The following IFT74 variants were observed in gnomAD, a reference collection of about 807,000 sequenced individuals.
The protein encoded by IFT74 is intraflagellar transport 74, also known as intraflagellar transport protein 74 homolog.
A neutral mutation model predicts 96.7 loss-of-function variants in IFT74; 92 were observed. That is an observed-to-expected ratio of 0.95 (90% CI 0.80 to 1.13). The LOEUF (loss-of-function observed/expected upper bound fraction) is 1.13. Ranked by LOEUF, IFT74 falls within the 50% of genes most tolerant of loss-of-function variation. The probability of loss-of-function intolerance (pLI) is 0.00; values close to 1 mark genes in which losing one functional copy is unlikely to be tolerated. For synonymous variants in IFT74, 223 were observed against 213.2 expected, an observed-to-expected ratio of 1.05 and a Z score of -0.40; for missense variants, 811 against 698.2, an observed-to-expected ratio of 1.16 and a Z score of -1.82.
At chr9:27,008,447 C>T (rs1034779960) in intron 8 of IFT74, among the ~76,000 whole-genome samples, 1 of 151,922 alleles carries the variant, frequency 6.6e-6, no homozygotes, top group African/African-American at 2.4e-5. Context: ...AACCTCTTCC[C>T]CACTGGGTTC....
rs572492332 is a variant in IFT74, at chr9:26,980,313, C to T, written c.257-258C>T. 7.9e-5 allele frequency among the ~76,000 whole-genome samples: 12 copies of T among 152,270 alleles called. No homozygotes were observed. In the East Asian group the frequency reaches 1.5e-3, roughly 20 times the overall value. ...CCCTTAGACTCAATTTTCATTCCATCGTCCTGTTCTGTAGAGTCTACTGTC... is the reference window on the plus strand; with the variant it reads ...CCCTTAGACTCAATTTTCATTCCATTGTCCTGTTCTGTAGAGTCTACTGTC... On this transcript the variant is annotated intron_variant, in intron 3 of 19. Transcript: ENST00000380062.
intron 19 of IFT74, among the ~76,000 whole-genome samples, chr9:27,061,572 G>A (rs547978653): frequency 6.6e-6 from 1 of 151,622 alleles, no homozygotes; most frequent in South Asian, 2.1e-4. Context: ...ACTGCTCTCG[G>A]CCCCAGAATT....
upstream of IFT74, among the ~76,000 whole-genome samples, chr9:26,952,543 C>T (rs1825967652): frequency 6.6e-6 from 1 of 152,130 alleles, no homozygotes; most frequent in Non-Finnish European, 1.5e-5. Context: ...TCCCAAAGTG[C>T]TGGGATTACA....
chr9:26,999,651 A>G (rs926219826), intron 8 of IFT74: 13 of 1,610,130 alleles, frequency 8.1e-6, no homozygotes, highest in Non-Finnish European at 1.1e-5. Flanking sequence ...TAATAATATC[A>G]TGGAGAGGGG....
chr9:27,012,735 T>TTTTTTTTTTTTA (rs1432648656), intron 10 of IFT74, among the ~76,000 whole-genome samples: 1 of 118,094 alleles, frequency 8.5e-6, no homozygotes, highest in African/African-American at 3.4e-5. Context: ...TTTTTTTTTT[T>TTTTTTTTTTTTA]AGACAGAGTA....
chr9:27,059,763 G>A (rs936841994), intron 18 of IFT74, among the ~76,000 whole-genome samples: 5 of 152,038 alleles, frequency 3.3e-5, no homozygotes, highest in African/African-American at 7.2e-5. Context: ...CTGAATTTAC[G>A]CCCTGAAAAT....
chr9:26,979,580 A>G lies in IFT74; in HGVS notation c.257-991A>G, dbSNP rs143148208. Reference sequence around the variant, plus strand: ...CTCTAGTGCCCCATTTCCCAGTATAATAAGATACTACCTCTACTTCTCAGC... The same window carrying G: ...CTCTAGTGCCCCATTTCCCAGTATAGTAAGATACTACCTCTACTTCTCAGC... On this transcript the variant is annotated intron_variant, in intron 3 of 19. Coordinates refer to ENST00000380062, the MANE Select transcript of IFT74 (RefSeq NM_025103.4). 4.9e-3 allele frequency among the ~76,000 whole-genome samples: 744 copies of G among 152,090 alleles called. 27 individuals are homozygous for G. Among genetic ancestry groups the G allele is most frequent in the East Asian group, 6.0e-3 (31 of 5,180 alleles).
intron 10 of IFT74, among the ~76,000 whole-genome samples, chr9:27,014,371 T>G (rs552673008): frequency 6.6e-6 from 1 of 152,332 alleles, no homozygotes; most frequent in South Asian, 2.1e-4. Context: ...GAATTCCTCA[T>G]GGTTCTTTTT....
intron 14 of IFT74, among the ~76,000 whole-genome samples, chr9:27,045,818 T>C (rs2131681646): frequency 6.6e-6 from 1 of 152,320 alleles, no homozygotes; most frequent in East Asian, 1.9e-4. Context: ...CAAGTTTTCT[T>C]TAAAATGTCA....
intron 6 of IFT74, 80 bp downstream of exon 6, chr9:26,984,639 C>CTTTTT (rs1827556183): frequency 1.9e-6 from 2 of 1,080,224 alleles, no homozygotes; most frequent in Non-Finnish European, 2.8e-6. Flanking sequence ...CATTAGTAGG[C>CTTTTT]AAAGGACATG....
At chr9:27,036,432 C>G (rs75922461) in intron 13 of IFT74, 1 of 1,612,646 alleles carries the variant, frequency 6.2e-7, no homozygotes. Flanking sequence ...TTTGTACCCA[C>G]GGGTTCTTCA....
At chr9:26,981,794 G>A (rs1386549584) in intron 4 of IFT74, among the ~76,000 whole-genome samples, 1 of 146,386 alleles carries the variant, frequency 6.8e-6, no homozygotes, top group Non-Finnish European at 1.5e-5. Context: ...TTGAGATAGA[G>A]TCTCACTCTG....
In IFT74 at chr9:26,997,414, A is replaced by G. The variant is rs368360596; in HGVS notation, c.587+7219A>G. ...AGTGGCACGATCTCGGCTCACTGTA[A>G]CATCTGCCTCCCAGGTTCAAGCAAT... On this transcript the variant is annotated intron_variant, in intron 8 of 19. Transcript: ENST00000380062. Among the ~76,000 whole-genome samples, 833 of 149,534 alleles carry G rather than the reference A, an allele frequency of 5.6e-3. 10 individuals are homozygous for G. Among genetic ancestry groups the G allele is most frequent in the African/African-American group, 0.019 (783 of 40,580 alleles).
At chr9:26,979,529 T>A (rs920772604) in intron 3 of IFT74, among the ~76,000 whole-genome samples, 1 of 152,020 alleles carries the variant, frequency 6.6e-6, no homozygotes, top group Non-Finnish European at 1.5e-5. Flanking sequence ...CACAGAACTG[T>A]CTACTGTGAC....
chr9:27,063,436 T>G lies in IFT74; in HGVS notation c.*700T>G, dbSNP rs1029943598. 6.6e-6 allele frequency among the ~76,000 whole-genome samples: 1 copy of G among 152,140 alleles called. No homozygotes were observed. The highest frequency in any genetic ancestry group is 1.5e-5 in the Non-Finnish European group (1 of 67,976). On this transcript the variant is annotated 3_prime_UTR_variant, in exon 20 of 20. Transcript: ENST00000380062. Reference sequence around the variant, plus strand: ...ACCCTGCAGTATGCATTTACTCTCTTGTACTATTAGGAGAACTTAAGTAGA... The same window carrying G: ...ACCCTGCAGTATGCATTTACTCTCTGGTACTATTAGGAGAACTTAAGTAGA...
intron 14 of IFT74, among the ~76,000 whole-genome samples, chr9:27,046,062 A>C (rs1332050447): frequency 6.6e-6 from 1 of 152,226 alleles, no homozygotes. Flanking sequence ...CACCTAGCTC[A>C]GATTTCTTTC....
chr9:27,022,704 G>A (rs568591424), intron 12 of IFT74, among the ~76,000 whole-genome samples: 4 of 150,354 alleles, frequency 2.7e-5, no homozygotes, highest in Non-Finnish European at 5.9e-5. Flanking sequence ...GTGTAGTGGC[G>A]CAATCTTGGC....
At chr9:26,999,825 C>T (rs1178452752) in intron 8 of IFT74, 2 of 579,402 alleles carry the variant, frequency 3.5e-6, no homozygotes, top group Non-Finnish European at 5.6e-6. Flanking sequence ...TCACACAGAC[C>T]TGGTGGCATG....
At position 26,948,448 on chromosome 9, in the gene IFT74, A is replaced by ATTTTTTTTTTT. The variant is rs71841244; in HGVS notation, c.-20+1332_-20+1342dup. ...TGACAACCTGTGATGGCTTTCCATT[A>ATTTTTTTTTTT]TTTTTTTTTTTTTTTTTTTTTTTTT... On this transcript the variant is annotated intron_variant, in intron 1 of 19. Coordinates refer to the IFT74 transcript ENST00000433700. Among the ~76,000 whole-genome samples the ATTTTTTTTTTT allele has an allele frequency of 2.7e-3, 159 of 59,124 alleles. 17 individuals carry two copies. The highest frequency in any genetic ancestry group is 4.8e-3 in the Non-Finnish European group (125 of 26,060). 38.8% of individuals were successfully genotyped at this position (59,124 alleles called of 152,430 possible). A position where few individuals can be genotyped will look rare whatever the true frequency, so the allele number is the denominator to read the frequency against.
Sources: gnomAD v4.1 joint callset for allele counts (sites outside exome capture counted in the v4.1 genomes callset) on GRCh38, gnomAD v4.1.1 for gene constraint, MANE v1.5 for transcripts, NCBI Gene and HGNC (gene_info 2026-07-23, HGNC 2026-07-21) for gene names.